Variants in BTC observed in about 807,000 individuals in gnomAD.
BTC encodes probetacellulin.
In BTC, 13 loss-of-function variants were observed where a neutral mutation model predicts 18.1. That is an observed-to-expected ratio of 0.72 (90% CI 0.47 to 1.14). The LOEUF is 1.14. BTC is among the 50% of genes most tolerant of loss of function. BTC has a pLI of 0.00. For synonymous variants in BTC, 83 were observed against 79.4 expected, an observed-to-expected ratio of 1.05 and a Z score of -0.24; for missense variants, 247 against 224.2, an observed-to-expected ratio of 1.10 and a Z score of -0.65.
Position 74,748,033 on chromosome 4 carries a change from CACTT to C in BTC, c.*1+3_*1+6del. On this transcript the variant is annotated splice_donor_5th_base_variant and intron_variant, in intron 5 of 5. Transcript: ENST00000395743. Reference sequence around the variant, plus strand: ...TAGTTTTCTATCAGCAAGTTTATCTCACTTACTTTAAGCAATATTTGTCTCTTCA... The same window carrying C: ...TAGTTTTCTATCAGCAAGTTTATCTCACTTTAAGCAATATTTGTCTCTTCA... 6.5e-7 allele frequency: 1 copy of C among 1,531,762 alleles called. No homozygotes were observed. Among genetic ancestry groups the C allele is most frequent in the South Asian group, 1.2e-5 (1 of 85,968 alleles). 94.9% of individuals were successfully genotyped at this position (1,531,762 alleles called of 1,614,324 possible). A position where few individuals can be genotyped will look rare whatever the true frequency, so the allele number is the denominator to read the frequency against.
intron 2 of BTC, among the ~76,000 whole-genome samples, chr4:74,767,343 A>G (rs1352218731): frequency 6.6e-6 from 1 of 151,988 alleles, no homozygotes; most frequent in Non-Finnish European, 1.5e-5. Context: ...CGATAGCATC[A>G]AAAAGAATAA....
At chr4:74,751,664 A>C (rs1195394654) in intron 3 of BTC, among the ~76,000 whole-genome samples, 1 of 152,200 alleles carries the variant, frequency 6.6e-6, no homozygotes, top group African/African-American at 2.4e-5. Flanking sequence ...TGTCTGAGTA[A>C]CATCCAGGGA....
chr4:74,791,577 C>G (rs933795392), intron 1 of BTC, among the ~76,000 whole-genome samples: 1 of 152,096 alleles, frequency 6.6e-6, no homozygotes, highest in Non-Finnish European at 1.5e-5. Flanking sequence ...ACCATATAAT[C>G]TGCTTATGGT....
chr4:74,782,108 C>G (rs560987432), intron 1 of BTC, among the ~76,000 whole-genome samples: 80 of 151,134 alleles, frequency 5.3e-4, no homozygotes, highest in Non-Finnish European at 1.0e-3. Flanking sequence ...GCCCTATTTT[C>G]TTTTTTTTTC....
intron 1 of BTC, among the ~76,000 whole-genome samples, chr4:74,780,288 TA>T (rs1224280832): frequency 5.9e-5 from 9 of 152,336 alleles, no homozygotes; most frequent in African/African-American, 2.2e-4. Context: ...AGAATCTGAC[TA>T]GTATAGAAAA....
intron 2 of BTC, among the ~76,000 whole-genome samples, chr4:74,769,334 C>T (rs1438136540): frequency 6.6e-6 from 1 of 152,112 alleles, no homozygotes; most frequent in African/African-American, 2.4e-5. Context: ...GACCAGGGGT[C>T]AGCAAACTGT....
intron 2 of BTC, among the ~76,000 whole-genome samples, chr4:74,765,285 A>G (rs1255292913): frequency 6.6e-6 from 1 of 152,106 alleles, no homozygotes; most frequent in Non-Finnish European, 1.5e-5. Context: ...GAGATAGAAA[A>G]TATTTTTTTA....
intron 1 of BTC, among the ~76,000 whole-genome samples, chr4:74,791,771 A>C (rs1463203491): frequency 6.6e-6 from 1 of 152,036 alleles, no homozygotes; most frequent in Non-Finnish European, 1.5e-5. Flanking sequence ...TTTAAATCAC[A>C]TGTTATTTTG....
chr4:74,794,147 GC>G, intron 1 of BTC, 114 bp downstream of exon 1: 1 of 1,356,028 alleles, frequency 7.4e-7, no homozygotes, highest in Non-Finnish European at 1.0e-6. Flanking sequence ...ACCCGCGCCT[GC>G]CAGCCCCAGC....
At position 74,754,938 on chromosome 4, in the gene BTC, AACACACACAC is replaced by A. The variant is rs33972204; in HGVS notation, c.281+911_281+920del. On this transcript the variant is annotated intron_variant, in intron 3 of 5. Transcript: ENST00000395743. ...TTAAAAAATTAGATCTATCCCTCTC[AACACACACAC>A]ACACACACACACACACACTCACACA... 3.3e-5 allele frequency among the ~76,000 whole-genome samples: 5 copies of A among 150,020 alleles called. No individual in the cohort carries two copies. The South Asian group carries it at 6.4e-4, about 19-fold the overall frequency.
chr4:74,750,829 A>C (rs1476452893), intron 3 of BTC, 110 bp from the exon 4 acceptor site: 1 of 1,414,846 alleles, frequency 7.1e-7, no homozygotes, highest in Admixed American at 2.4e-5. Flanking sequence ...AATAAAGAAC[A>C]CAGTTCCCTT....
chr4:74,791,158 A>G (rs141067207), intron 1 of BTC, among the ~76,000 whole-genome samples: 109 of 150,196 alleles, frequency 7.3e-4, no homozygotes, highest in Middle Eastern at 6.8e-3. Context: ...CCTGGCCAAC[A>G]TGCCAAAACC....
chr4:74,784,232 G>GAAA (rs58751452), intron 1 of BTC, among the ~76,000 whole-genome samples: 25 of 79,612 alleles, frequency 3.1e-4, no homozygotes, highest in African/African-American at 9.3e-4. Flanking sequence ...ATTCTCTCTC[G>GAAA]AAAAAAAAAA....
At chr4:74,749,694 G>T (rs71605424) in intron 4 of BTC, among the ~76,000 whole-genome samples, 55,958 of 99,064 alleles carry the variant, frequency 0.56, 15,880 homozygotes, top group Non-Finnish European at 0.65. Flanking sequence ...TTTTGTTGTT[G>T]TTGTTGTTGT....
intron 1 of BTC, among the ~76,000 whole-genome samples, chr4:74,782,296 C>T (rs1362288959): frequency 6.6e-6 from 1 of 152,126 alleles, no homozygotes; most frequent in African/African-American, 2.4e-5. Flanking sequence ...TGTTGTTACC[C>T]ACTATGTGTC....
At chr4:74,762,679 G>C (rs1365330564) in intron 2 of BTC, among the ~76,000 whole-genome samples, 1 of 152,078 alleles carries the variant, frequency 6.6e-6, no homozygotes, top group Non-Finnish European at 1.5e-5. Flanking sequence ...AATAATTAAT[G>C]CTATTGTGAC....
intron 1 of BTC, among the ~76,000 whole-genome samples, chr4:74,786,751 G>A (rs557056993): frequency 1.7e-3 from 256 of 151,882 alleles, no homozygotes; most frequent in African/African-American, 5.9e-3. Context: ...TTTACATTTC[G>A]ACCAGTAAAA....
rs144866580 is a variant in BTC at position 74,755,795 on chromosome 4, G to A, written c.281+64C>T. On this transcript the variant is annotated intron_variant, in intron 3 of 5. Transcript: ENST00000395743. ...TGGTTAGCTCACACTTTCCAGTCCTGGCAAGACCCAGGCGGGCACCATTCT... is the reference window on the plus strand; with the variant it reads ...TGGTTAGCTCACACTTTCCAGTCCTAGCAAGACCCAGGCGGGCACCATTCT... 65 of 1,465,810 alleles carry A rather than the reference G, an allele frequency of 4.4e-5. No individual in the cohort carries two copies. In the African/African-American group the frequency reaches 8.2e-4, roughly 19 times the overall value. 90.8% of individuals were successfully genotyped at this position (1,465,810 alleles called of 1,614,324 possible).
chr4:74,749,113 A>G (rs186860930), intron 4 of BTC, among the ~76,000 whole-genome samples: 45 of 152,306 alleles, frequency 3.0e-4, no homozygotes, highest in Admixed American at 4.6e-4. Context: ...TCAAAGATAC[A>G]TAATGGAGGA....
Sources: allele counts gnomAD v4.1 joint callset (sites outside exome capture counted in the v4.1 genomes callset), GRCh38; gene constraint gnomAD v4.1.1; transcripts MANE v1.5; gene names NCBI Gene and HGNC (gene_info 2026-07-23, HGNC 2026-07-21).